The following BCL2 variants were observed in gnomAD, a reference collection of about 807,000 sequenced individuals.
BCL2 encodes apoptosis regulator Bcl-2.
BCL2 carries 1 observed loss-of-function variant against 14.2 expected under a neutral mutation model. The observed-to-expected ratio is 0.07, with a 90% CI of 0.02 to 0.33. BCL2 has a LOEUF of 0.33. Ranked by LOEUF, BCL2 falls within the 10% of genes least tolerant of loss-of-function variation. The pLI is 0.99. For synonymous variants in BCL2, 151 were observed against 137.2 expected, an observed-to-expected ratio of 1.10 and a Z score of -0.70; for missense variants, 247 against 305.9, an observed-to-expected ratio of 0.81 and a Z score of 1.44.
intron 2 of BCL2, among the ~76,000 whole-genome samples, chr18:63,193,008 T>TG (rs1241379526): frequency 6.6e-6 from 1 of 152,232 alleles, no homozygotes; most frequent in African/African-American, 2.4e-5. Flanking sequence ...CACCCCGTGA[T>TG]GAAATGTCAC....
chr18:63,303,371 G>A (rs1285124986), intron 2 of BCL2, among the ~76,000 whole-genome samples: 2 of 152,100 alleles, frequency 1.3e-5, no homozygotes, highest in African/African-American at 4.8e-5. Context: ...AAAAAAAGTT[G>A]TTTCATTTAT....
At chr18:63,191,419 T>G (rs1909289172) in intron 2 of BCL2, among the ~76,000 whole-genome samples, 1 of 152,258 alleles carries the variant, frequency 6.6e-6, no homozygotes, top group African/African-American at 2.4e-5. Flanking sequence ...TATAATAACT[T>G]GGTCTTCTAA....
At chr18:63,167,230 C>T (rs1043086912) in intron 2 of BCL2, among the ~76,000 whole-genome samples, 7 of 152,152 alleles carry the variant, frequency 4.6e-5, no homozygotes, top group Non-Finnish European at 8.8e-5. Flanking sequence ...ATCTACCTCC[C>T]TTTCTCTTTC....
chr18:63,185,185 A>T, intron 2 of BCL2, among the ~76,000 whole-genome samples: 1 of 152,244 alleles, frequency 6.6e-6, no homozygotes, highest in African/African-American at 2.4e-5. Flanking sequence ...CACAAATGAA[A>T]ATACAGCCCA....
intron 2 of BCL2, among the ~76,000 whole-genome samples, chr18:63,178,802 T>C (rs527610780): frequency 6.6e-6 from 1 of 151,120 alleles, no homozygotes; most frequent in South Asian, 2.1e-4. Context: ...TGCTTTGTTG[T>C]GAAATTGTCA....
At chr18:63,151,021 A>G (rs1385100802) in intron 2 of BCL2, 3 of 151,894 alleles carry the variant, frequency 2.0e-5, no homozygotes, top group Non-Finnish European at 4.4e-5. Context: ...ATGACTTCTG[A>G]AGTCATCTTG....
intron 2 of BCL2, among the ~76,000 whole-genome samples, chr18:63,209,980 G>A (rs1444330181): frequency 1.3e-5 from 2 of 152,196 alleles, no homozygotes; most frequent in African/African-American, 4.8e-5. Context: ...TCCCCTCAAA[G>A]ACAGTGTTTC....
At chr18:63,166,095 G>C (rs1915037775) in intron 2 of BCL2, among the ~76,000 whole-genome samples, 1 of 152,228 alleles carries the variant, frequency 6.6e-6, no homozygotes, top group Admixed American at 6.5e-5. Context: ...AGGACCAGCT[G>C]CTGGCTGGCT....
chr18:63,263,848 G>T (rs559448889), intron 2 of BCL2, among the ~76,000 whole-genome samples: 25 of 152,044 alleles, frequency 1.6e-4, no homozygotes, highest in Non-Finnish European at 3.4e-4. Context: ...TTTTTTAGAC[G>T]GAGTTTCACT....
At position 63,287,375 on chromosome 18, in the gene BCL2, G is replaced by A. The variant is rs532746959; in HGVS notation, c.585+30707C>T. Reference sequence around the variant, plus strand: ...TAGGAAGATAAATGGCATTGACGAAGAGGATGGATGGGCTGGGAACAGGTG... The same window carrying A: ...TAGGAAGATAAATGGCATTGACGAAAAGGATGGATGGGCTGGGAACAGGTG... On this transcript the variant is annotated intron_variant, in intron 2 of 2. Transcript: ENST00000333681. Among the ~76,000 whole-genome samples, 15 of 152,342 alleles carry A rather than the reference G, an allele frequency of 9.8e-5. No individual in the cohort carries two copies. The East Asian group carries it at 2.5e-3, about 25-fold the overall frequency.
intron 2 of BCL2, among the ~76,000 whole-genome samples, chr18:63,226,131 C>T (rs969990877): frequency 6.6e-6 from 1 of 152,186 alleles, no homozygotes; most frequent in Non-Finnish European, 1.5e-5. Context: ...TGGCCAAACT[C>T]CTGTCTGAAG....
At chr18:63,165,716 C>A (rs1433374441) in intron 2 of BCL2, among the ~76,000 whole-genome samples, 1 of 152,204 alleles carries the variant, frequency 6.6e-6, no homozygotes, top group African/African-American at 2.4e-5. Context: ...ATGCAAAGGG[C>A]CCAGACACTG....
rs1267213627 is a variant in BCL2 at position 63,124,696 on chromosome 18, G to A, written c.*3929C>T. ...TTGAATAACAATAAAGATCTGATTGGAACCTTCATAAGCTTGACAATGTAG... is the reference window on the plus strand; with the variant it reads ...TTGAATAACAATAAAGATCTGATTGAAACCTTCATAAGCTTGACAATGTAG... On this transcript the variant is annotated 3_prime_UTR_variant, in exon 3 of 3. Transcript: ENST00000333681. The A allele has an allele frequency of 4.4e-6, 1 of 229,164 alleles. No homozygotes were observed. The highest frequency in any genetic ancestry group is 8.7e-6 in the Non-Finnish European group (1 of 115,390). The allele number at this position is 229,164 out of a possible 1,614,324, so 14.2% of individuals were successfully genotyped here.
chr18:63,132,094 T>C (rs1392003556), intron 2 of BCL2, among the ~76,000 whole-genome samples: 3 of 152,218 alleles, frequency 2.0e-5, no homozygotes, highest in Admixed American at 6.5e-5. Flanking sequence ...AGCCTCAGCA[T>C]AGAGATGCTG....
At chr18:63,131,652 C>G (rs766445183) in intron 2 of BCL2, among the ~76,000 whole-genome samples, 2 of 152,236 alleles carry the variant, frequency 1.3e-5, no homozygotes, top group African/African-American at 2.4e-5. Context: ...AGCCAAAAGA[C>G]ACCCCAAATT....
rs774960803 is a variant in BCL2, at chr18:63,157,828, A to AT, written c.586-29070dup. Reference sequence around the variant, plus strand: ...TGTCTAGGCCAAGTACGTGCTGTTTATTGACAGAGAAACAAATACCGCTCA... The same window carrying AT: ...TGTCTAGGCCAAGTACGTGCTGTTTATTTGACAGAGAAACAAATACCGCTCA... On this transcript the variant is annotated intron_variant, in intron 2 of 2. Coordinates refer to ENST00000333681, the MANE Select transcript of BCL2 (RefSeq NM_000633.3). 3.9e-5 allele frequency among the ~76,000 whole-genome samples: 6 copies of AT among 152,204 alleles called. No individual in the cohort carries two copies. In the South Asian group the frequency reaches 1.2e-3, roughly 32 times the overall value.
At chr18:63,173,509 C>T (rs936521059) in intron 2 of BCL2, among the ~76,000 whole-genome samples, 12 of 152,136 alleles carry the variant, frequency 7.9e-5, no homozygotes, top group Admixed American at 5.9e-4. Flanking sequence ...AGACCTGGAG[C>T]AGAATTCGGA....
At chr18:63,145,707 CCAAA>C (rs1040337731) in intron 2 of BCL2, among the ~76,000 whole-genome samples, 1 of 152,206 alleles carries the variant, frequency 6.6e-6, no homozygotes, top group Admixed American at 6.5e-5. Flanking sequence ...ACCCAACAAG[CCAAA>C]CACTTTCTTT....
chr18:63,199,071 C>T (rs1372513137), intron 2 of BCL2, among the ~76,000 whole-genome samples: 2 of 150,834 alleles, frequency 1.3e-5, no homozygotes, highest in African/African-American at 4.9e-5. Context: ...CTACACAACA[C>T]ATGCACACAT....
Sources: gnomAD v4.1 joint callset for allele counts (sites outside exome capture counted in the v4.1 genomes callset) on GRCh38, gnomAD v4.1.1 for gene constraint, MANE v1.5 for transcripts, NCBI Gene and HGNC (gene_info 2026-07-23, HGNC 2026-07-21) for gene names.